Variants in MROH1 observed in about 807,000 individuals in gnomAD.
MROH1 encodes maestro heat-like repeat-containing protein family member 1.
A neutral mutation model predicts 116.5 loss-of-function variants in MROH1; 117 were observed. That is an observed-to-expected ratio of 1.00 (90% CI 0.86 to 1.17). The LOEUF is 1.17. Ranked by LOEUF, MROH1 falls within the 50% of genes most tolerant of loss-of-function variation. MROH1 has a pLI of 0.00. For missense variants in MROH1, 1,873 were observed against 1,338.5 expected, an observed-to-expected ratio of 1.40 and a Z score of -6.23; for synonymous variants, 921 against 583.9, an observed-to-expected ratio of 1.58 and a Z score of -8.32.
chr8:144,219,222 CTG>C (rs1836191570), intron 12 of MROH1, among the ~76,000 whole-genome samples: 1 of 152,066 alleles, frequency 6.6e-6, no homozygotes, highest in Non-Finnish European at 1.5e-5. Flanking sequence ...CAAGGTTTCA[CTG>C]TGTTAGCCAG....
Position 144,255,574 on chromosome 8 carries a change from C to T in MROH1, c.3660C>T (p.Tyr1220=). 1.3e-6 allele frequency: 1 copy of T among 779,398 alleles called. No homozygotes were observed. The highest frequency in any genetic ancestry group is 2.4e-6 in the Non-Finnish European group (1 of 417,780). The allele number at this position is 779,398 out of a possible 1,614,324, so 48.3% of individuals were successfully genotyped here. The change falls in exon 35 of 44, where the codon TAC becomes TAT. Residue 1220 remains tyrosine, a synonymous_variant. Coordinates refer to ENST00000326134, the MANE Select transcript of MROH1 (RefSeq NM_032450.3). ...PAAGPAVLEL[Y]PQLFVVLLLR... is the part of the protein sequence containing the mutation. ...CGGGGCCCGCGGTGCTCGAGCTCTA[C>T]CCCCAGCTGTTTGTGGTGCTTCTGC...
chr8:144,246,714 C>G (rs1841982326), intron 29 of MROH1, among the ~76,000 whole-genome samples: 2 of 152,136 alleles, frequency 1.3e-5, no homozygotes, highest in Non-Finnish European at 2.9e-5. Context: ...GGTGGGAGCA[C>G]CTCCCAGGAA....
At position 144,238,847 on chromosome 8, in the gene MROH1, T is replaced by C; in HGVS notation, c.1430T>C (p.Val477Ala). The C allele has an allele frequency of 1.3e-6, 1 of 774,424 alleles. No homozygotes were observed. The highest frequency in any genetic ancestry group is 2.4e-6 in the Non-Finnish European group (1 of 417,994). The allele number at this position is 774,424 out of a possible 1,614,324, so 48.0% of individuals were successfully genotyped here. A position where few individuals can be genotyped will look rare whatever the true frequency, so the allele number is the denominator to read the frequency against. ...VRTLYLVSTT[V>A]DRMSHVLWPY... ...ACCCTCTACCTGGTCAGCACCACCG[T>C]GGACAGGATGAGTCACGTGAGTGCA... Residue 477 changes from valine (V) to alanine (A), a missense_variant, in exon 15 of 44, where the codon GTG (valine) becomes GCG (alanine). Val to Ala is a moderately conservative substitution (Grantham distance 64). Transcript: ENST00000326134.
At chr8:144,149,583 T>G (rs943678258) in intron 1 of MROH1, among the ~76,000 whole-genome samples, 6 of 152,126 alleles carry the variant, frequency 3.9e-5, no homozygotes, top group Non-Finnish European at 7.3e-5. Context: ...GCCTGGTTGC[T>G]GCCCTCTGTC....
chr8:144,167,693 A>G (rs1280002690), intron 3 of MROH1, among the ~76,000 whole-genome samples: 2 of 152,168 alleles, frequency 1.3e-5, no homozygotes, highest in Non-Finnish European at 2.9e-5. Context: ...CACTACATTT[A>G]TTCAATGATT....
At position 144,180,372 on chromosome 8, in the gene MROH1, C is replaced by T. The variant is rs1825281175; in HGVS notation, c.463+32C>T. On this transcript the variant is annotated intron_variant, in intron 6 of 43. Transcript: ENST00000326134. This position sits in a 1 kb window ranked among gnomAD's most constrained non-coding sequence, Gnocchi z 7.4. ...GACGCGCGGCCTGCCCCAGGAGGAG[C>T]ACGGGGCGCTGGAAGCCTTGGCGGA... is the stretch of plus-strand genomic sequence containing the variant. 4 of 1,609,090 alleles carry T rather than the reference C, an allele frequency of 2.5e-6. No individual in the cohort carries two copies. The highest frequency in any genetic ancestry group is 2.7e-5 in the African/African-American group (2 of 75,036).
chr8:144,162,636 G>A (rs2130850010), intron 2 of MROH1, among the ~76,000 whole-genome samples: 1 of 143,660 alleles, frequency 7.0e-6, no homozygotes, highest in African/African-American at 2.6e-5. Flanking sequence ...GCCTCAAGTG[G>A]TCCACCTGCC....
intron 37 of MROH1, among the ~76,000 whole-genome samples, chr8:144,259,680 A>C (rs1007006827): frequency 6.6e-6 from 1 of 152,250 alleles, no homozygotes; most frequent in African/African-American, 2.4e-5. Context: ...TTCGTGGCCA[A>C]AGATGCCAAA....
In MROH1 at chr8:144,180,886, TG is replaced by T. The variant is rs1825452102; in HGVS notation, c.562+368del. Among the ~76,000 whole-genome samples the T allele has an allele frequency of 6.6e-6, 1 of 152,072 alleles. No individual in the cohort carries two copies. The highest frequency in any genetic ancestry group is 6.5e-5 in the Admixed American group (1 of 15,276). The stretch of plus-strand genomic sequence containing the variant: ...TCTGGGCATCCCAGGACCCAGGGGA[TG>T]GGGGCACATTCATTCACCCCCACCC... On this transcript the variant is annotated intron_variant, in intron 7 of 43. Coordinates refer to ENST00000326134, the MANE Select transcript of MROH1 (RefSeq NM_032450.3). The surrounding 1 kb of genome is among the most constrained non-coding windows in gnomAD (Gnocchi z 7.4).
At chr8:144,193,753 GC>G (rs972843257) in intron 10 of MROH1, among the ~76,000 whole-genome samples, 2 of 151,730 alleles carry the variant, frequency 1.3e-5, no homozygotes, top group African/African-American at 4.8e-5. Flanking sequence ...GATTACAGGT[GC>G]CCACCGCCAC....
chr8:144,211,432 A>C (rs1467937096), intron 12 of MROH1, among the ~76,000 whole-genome samples: 1 of 152,140 alleles, frequency 6.6e-6, no homozygotes, highest in Non-Finnish European at 1.5e-5. Context: ...TTCATATAAG[A>C]AAGGCAGGGT....
At chr8:144,234,955 C>A (rs1402131406) in intron 14 of MROH1, among the ~76,000 whole-genome samples, 1 of 145,348 alleles carries the variant, frequency 6.9e-6, no homozygotes, top group Non-Finnish European at 1.5e-5. Flanking sequence ...TGCAATGGCA[C>A]CCTCTCGGCT....
intron 1 of MROH1, among the ~76,000 whole-genome samples, chr8:144,158,258 G>T (rs1818662318): frequency 6.6e-6 from 1 of 152,054 alleles, no homozygotes; most frequent in African/African-American, 2.4e-5. Context: ...CTCCCAAAGT[G>T]CTGGGATTAC....
intron 7 of MROH1, among the ~76,000 whole-genome samples, chr8:144,187,792 A>G (rs764881390): frequency 5.3e-5 from 8 of 152,070 alleles, no homozygotes; most frequent in African/African-American, 1.2e-4. Flanking sequence ...ACAGGTAGAG[A>G]TTTTTTGTCT....
chr8:144,227,360 G>T (rs1016637933), intron 14 of MROH1, among the ~76,000 whole-genome samples: 9 of 152,224 alleles, frequency 5.9e-5, no homozygotes, highest in African/African-American at 1.7e-4. Flanking sequence ...TGGGGGCTGG[G>T]CGCAGTGGCT....
chr8:144,174,441 C>T (rs538806194), intron 4 of MROH1, among the ~76,000 whole-genome samples: 1 of 151,436 alleles, frequency 6.6e-6, no homozygotes, highest in Non-Finnish European at 1.5e-5. Context: ...TAAAATCAAA[C>T]AATTCAAACC....
chr8:144,232,685 G>A (rs1338439520), intron 14 of MROH1, among the ~76,000 whole-genome samples: 1 of 151,570 alleles, frequency 6.6e-6, no homozygotes, highest in Non-Finnish European at 1.5e-5. Flanking sequence ...AGTAGAGATG[G>A]GTTTTCACCG....
At chr8:144,209,060 T>TGC (rs1833506952) in intron 12 of MROH1, among the ~76,000 whole-genome samples, 1 of 104,404 alleles carries the variant, frequency 9.6e-6, no homozygotes, top group African/African-American at 2.8e-5. Flanking sequence ...TGTGTGTGTG[T>TGC]GTGTGTGTGT....
chr8:144,154,845 G>GTA (rs1259568929), intron 1 of MROH1, among the ~76,000 whole-genome samples: 1 of 149,290 alleles, frequency 6.7e-6, no homozygotes, highest in African/African-American at 2.5e-5. Flanking sequence ...TTTTTAAGAT[G>GTA]GCTTGCTCTG....
Sources: allele counts gnomAD v4.1 joint callset (sites outside exome capture counted in the v4.1 genomes callset), GRCh38; gene constraint gnomAD v4.1.1; non-coding constraint Gnocchi (gnomAD v3.1); transcripts MANE v1.5; gene names NCBI Gene and HGNC (gene_info 2026-07-23, HGNC 2026-07-21).